Variants in PCDH15 observed in about 807,000 individuals in gnomAD.
The protein encoded by PCDH15 is protocadherin related 15.
PCDH15 carries 129 observed loss-of-function variants against 178.5 expected under a neutral mutation model. The ratio of observed to expected loss-of-function variants is 0.72; its 90% CI spans 0.63 to 0.84. The LOEUF (loss-of-function observed/expected upper bound fraction) is 0.84, where lower values mean the gene tolerates loss of function less well. Among genes scored for constraint, PCDH15 ranks in the 40% least tolerant of loss-of-function variants. The pLI is 0.00. For missense variants in PCDH15, 2,230 were observed against 2,099.9 expected, an observed-to-expected ratio of 1.06 and a Z score of -1.21; for synonymous variants, 800 against 732.0, an observed-to-expected ratio of 1.09 and a Z score of -1.50.
chr10:54,289,676 G>T (rs1476181921), intron 8 of PCDH15, among the ~76,000 whole-genome samples: 1 of 152,162 alleles, frequency 6.6e-6, no homozygotes, highest in Non-Finnish European at 1.5e-5. Context: ...TGCCTAACCA[G>T]AATAAACAGT....
chr10:54,900,325 A>G (rs1178283491), intron 2 of PCDH15, among the ~76,000 whole-genome samples: 1 of 151,984 alleles, frequency 6.6e-6, no homozygotes, highest in Non-Finnish European at 1.5e-5. Flanking sequence ...TTGTCAGTGT[A>G]AAAAAAAGAA....
chr10:54,564,457 A>T lies in PCDH15; in HGVS notation c.92-36580T>A, dbSNP rs969559464. 2.6e-5 allele frequency among the ~76,000 whole-genome samples: 4 copies of T among 152,284 alleles called. No homozygotes were observed. The East Asian group carries it at 7.7e-4, about 29-fold the overall frequency. On this transcript the variant is annotated intron_variant, in intron 2 of 37. Transcript: ENST00000644397. ...GAAAGCTGTTTCCATGTTTACCTTT[A>T]GTGTAGTAGATAAAGGCTATCTCAA... is the stretch of plus-strand genomic sequence containing the variant.
At chr10:54,113,639 G>C (rs12354458) in intron 15 of PCDH15, among the ~76,000 whole-genome samples, 4 of 149,830 alleles carry the variant, frequency 2.7e-5, no homozygotes, top group African/African-American at 4.9e-5. Flanking sequence ...TCCCAACACA[G>C]ACACACACAC....
intron 13 of PCDH15, among the ~76,000 whole-genome samples, chr10:54,179,305 A>G (rs2047745787): frequency 6.6e-6 from 1 of 151,944 alleles, no homozygotes; most frequent in Non-Finnish European, 1.5e-5. Flanking sequence ...CATTCTCAGT[A>G]AACTATCACA....
intron 8 of PCDH15, among the ~76,000 whole-genome samples, chr10:54,275,048 G>A (rs939872672): frequency 2.0e-5 from 3 of 151,730 alleles, no homozygotes; most frequent in African/African-American, 4.8e-5. Flanking sequence ...AATATAAAAC[G>A]TTACTTACAG....
At chr10:54,210,199 C>T (rs1185701597) in intron 10 of PCDH15, among the ~76,000 whole-genome samples, 2 of 151,868 alleles carry the variant, frequency 1.3e-5, no homozygotes, top group Non-Finnish European at 2.9e-5. Flanking sequence ...CTATTTGCTA[C>T]ATTTGCATCT....
chr10:54,678,938 C>G (rs2094842688), intron 1 of PCDH15, among the ~76,000 whole-genome samples: 1 of 152,016 alleles, frequency 6.6e-6, no homozygotes, highest in Admixed American at 6.6e-5. Context: ...CGCCTGTAAT[C>G]CCAGCACTTT....
chr10:54,074,549 T>A (rs1590250862), intron 17 of PCDH15, among the ~76,000 whole-genome samples: 1 of 152,330 alleles, frequency 6.6e-6, no homozygotes, highest in East Asian at 1.9e-4. Flanking sequence ...CCGAATGATA[T>A]TTCATTATAT....
At chr10:54,365,074 T>C (rs1946605588) in intron 5 of PCDH15, among the ~76,000 whole-genome samples, 1 of 152,092 alleles carries the variant, frequency 6.6e-6, no homozygotes, top group Admixed American at 6.6e-5. Context: ...TCTTTCCTTT[T>C]AAGGGCTCAC....
At chr10:55,525,240 AT>A (rs1841277811) in intron 2 of PCDH15, among the ~76,000 whole-genome samples, 1 of 151,908 alleles carries the variant, frequency 6.6e-6, no homozygotes, top group Non-Finnish European at 1.5e-5. Flanking sequence ...TAAAATTACA[AT>A]TCATATTGAA....
chr10:54,579,184 T>C (rs571470957), intron 2 of PCDH15, among the ~76,000 whole-genome samples: 9 of 152,134 alleles, frequency 5.9e-5, no homozygotes, highest in South Asian at 2.1e-4. Context: ...ACACCCCACT[T>C]AGAAGGCACA....
chr10:53,959,825 T>A lies in PCDH15; in HGVS notation c.3029A>T (p.Asp1010Val), dbSNP rs776416750. The A allele has an allele frequency of 1.2e-6, 2 of 1,613,908 alleles. No individual in the cohort carries two copies. The highest frequency in any genetic ancestry group is 3.3e-5 in the Admixed American group (2 of 60,004). ...TIFKLVVVAF[D>V]DGEPVMSSSA... is the part of the protein sequence containing the mutation. ...GCTGGACATCACAGGCTCCCCATCA[T>A]CAAAAGCAACCACCACCAACTTAAA... The change falls in exon 23 of 38, where the codon GAT becomes GTT. Residue 1010 changes from aspartate to valine, a missense_variant. Asp to Val is a radical substitution (Grantham distance 152). Coordinates refer to ENST00000644397, the MANE Select transcript of PCDH15 (RefSeq NM_001384140.1).
intron 3 of PCDH15, among the ~76,000 whole-genome samples, chr10:54,510,808 A>G (rs936007989): frequency 6.6e-6 from 1 of 152,204 alleles, no homozygotes; most frequent in African/African-American, 2.4e-5. Flanking sequence ...AAAAAGATTA[A>G]CCAAAGTTTC....
At chr10:55,605,615 C>A (rs1318399602) in intron 2 of PCDH15, among the ~76,000 whole-genome samples, 15 of 147,736 alleles carry the variant, frequency 1.0e-4, no homozygotes, top group African/African-American at 3.8e-4. Context: ...TAAATGTAAT[C>A]CAGCATATAA....
chr10:55,584,649 C>T (rs1417487866), intron 2 of PCDH15, among the ~76,000 whole-genome samples: 6 of 112,574 alleles, frequency 5.3e-5, no homozygotes, highest in Non-Finnish European at 9.9e-5. Context: ...CAGAGCAAGA[C>T]TCTGTCTCCA....
intron 1 of PCDH15, among the ~76,000 whole-genome samples, chr10:55,261,395 A>G (rs1842142000): frequency 6.6e-6 from 1 of 152,212 alleles, no homozygotes; most frequent in African/African-American, 2.4e-5. Flanking sequence ...ATGTGTGGCC[A>G]TTCTTGTACT....
chr10:54,224,698 C>A (rs1204392045), intron 9 of PCDH15, among the ~76,000 whole-genome samples: 8 of 152,142 alleles, frequency 5.3e-5, no homozygotes, highest in South Asian at 2.1e-4. Flanking sequence ...CAAGTTATCC[C>A]TAGGTTCAAA....
chr10:53,846,051 A>ACACAC (rs1564598575), intron 28 of PCDH15, among the ~76,000 whole-genome samples: 106 of 100,418 alleles, frequency 1.1e-3, no homozygotes, highest in African/African-American at 3.9e-3. Flanking sequence ...CACACACACA[A>ACACAC]ACAAAAAAAG....
chr10:53,962,896 C>G (rs1043143285), intron 21 of PCDH15, among the ~76,000 whole-genome samples: 3 of 152,118 alleles, frequency 2.0e-5, no homozygotes, highest in African/African-American at 7.2e-5. Flanking sequence ...ATTTACAGTG[C>G]TTAGGCCTTG....
Sources: allele counts gnomAD v4.1 joint callset (sites outside exome capture counted in the v4.1 genomes callset), GRCh38; gene constraint gnomAD v4.1.1; transcripts MANE v1.5; gene names NCBI Gene and HGNC (gene_info 2026-07-23, HGNC 2026-07-21).